Variants in LRRC37A3 observed in about 807,000 individuals in gnomAD.
LRRC37A3 encodes the protein leucine rich repeat containing 37 member A3.
A neutral mutation model predicts 106.2 loss-of-function variants in LRRC37A3; 25 were observed. That is an observed-to-expected ratio of 0.24 (90% CI 0.17 to 0.33). The LOEUF (loss-of-function observed/expected upper bound fraction) is 0.33. Ranked by LOEUF, LRRC37A3 falls within the 10% of genes least tolerant of loss-of-function variation. The pLI, the probability that LRRC37A3 is intolerant of heterozygous loss-of-function variation, is 1.00. For missense variants in LRRC37A3, 712 were observed against 1,644.9 expected (o/e 0.43, Z 9.81); for synonymous variants, 305 against 635.8 (o/e 0.48, Z 7.83).
chr17:64,867,525 T>C (rs538543962), intron 10 of LRRC37A3, among the ~76,000 whole-genome samples: 3 of 152,150 alleles, frequency 2.0e-5, no homozygotes, highest in Non-Finnish European at 4.4e-5. Flanking sequence ...TTTTATGAAA[T>C]GACATAATGT....
At chr17:64,856,352 G>T (rs943193731) in intron 13 of LRRC37A3, among the ~76,000 whole-genome samples, 4 of 151,138 alleles carry the variant, frequency 2.6e-5, no homozygotes, top group Non-Finnish European at 5.9e-5. Context: ...GAGTAGCTGA[G>T]ACTACAGGTG....
At position 64,859,722 on chromosome 17, in the gene LRRC37A3, A is replaced by G. The variant is rs1300766424; in HGVS notation, c.4424T>C (p.Ile1475Thr). ...LLSSPGDQFE[I>T]QLTQQLQSVI... Reference sequence around the variant, plus strand: ...GGACTGCAGCTGCTGGGTTAGCTGAATTTCAAACTGATCACCTGGGGACGA... The same window carrying G: ...GGACTGCAGCTGCTGGGTTAGCTGAGTTTCAAACTGATCACCTGGGGACGA... Residue 1475 changes from isoleucine to threonine, a missense_variant, in exon 12 of 15, where the codon ATT becomes ACT. Transcript: ENST00000584306. 6.2e-7 allele frequency: 1 copy of G among 1,613,422 alleles called. No homozygotes were observed. The highest frequency in any genetic ancestry group is 1.3e-5 in the African/African-American group (1 of 74,768).
rs1198226731 is a variant in LRRC37A3 at position 64,860,478 on chromosome 17, G to C, written c.3668C>G (p.Pro1223Arg). 1.9e-6 allele frequency: 3 copies of C among 1,613,358 alleles called. No individual in the cohort carries two copies. Among genetic ancestry groups the C allele is most frequent in the Admixed American group, 3.3e-5 (2 of 60,012 alleles). ...GACGGCGTTTCCCGCTAACTTCTCA[G>C]GCCCCTGCTGTGTGTGAGGCTGTTT... is the stretch of plus-strand genomic sequence containing the variant. ...ELKQPHTQQGPEKLAGNAVYT... is the reference protein window; with the variant it reads ...ELKQPHTQQGREKLAGNAVYT... The change falls in exon 12 of 15, where the codon CCT becomes CGT. Residue 1223 changes from proline (P) to arginine (R), a missense_variant. By Grantham distance (103) the Pro-to-Arg change is moderately radical (BLOSUM62 -2). Transcript: ENST00000584306.
intron 8 of LRRC37A3, among the ~76,000 whole-genome samples, chr17:64,872,109 G>A (rs1973338547): frequency 7.7e-6 from 1 of 130,558 alleles, no homozygotes; most frequent in African/African-American, 2.9e-5. Flanking sequence ...TCCAGCCTGG[G>A]CAACAGAGTG....
intron 8 of LRRC37A3, among the ~76,000 whole-genome samples, chr17:64,873,838 A>G (rs1433320736): frequency 2.6e-5 from 4 of 152,228 alleles, no homozygotes; most frequent in African/African-American, 4.8e-5. Context: ...CATAATGAGC[A>G]TCCCAGGAGA....
At chr17:64,854,728 A>G in intron 14 of LRRC37A3, 84 bp from the exon 15 acceptor site, 1 of 1,612,036 alleles carries the variant, frequency 6.2e-7, no homozygotes, top group South Asian at 1.1e-5. Context: ...TTAGATGGGA[A>G]CTGTGAGGGC....
rs1184046092 is a variant in LRRC37A3 at position 64,890,618 on chromosome 17, G to A, written c.2682-866C>T. Among the ~76,000 whole-genome samples, 23 of 121,046 alleles carry A rather than the reference G, an allele frequency of 1.9e-4. 1 individual carries two copies. Among genetic ancestry groups the A allele is most frequent in the Admixed American group, 7.2e-4 (9 of 12,554 alleles). The allele number at this position is 121,046 out of a possible 152,430, so 79.4% of individuals were successfully genotyped here. On this transcript the variant is annotated intron_variant, in intron 5 of 14. Transcript: ENST00000584306. ...AAGCCAAGGTGGGTGAATCACCCAC[G>A]GTCATGAGTTTGAGACCAGCCTGGC...
intron 1 of LRRC37A3, among the ~76,000 whole-genome samples, 173 bp from the exon 2 acceptor site, chr17:64,919,043 G>A (rs1053423891): frequency 1.3e-5 from 2 of 151,856 alleles, no homozygotes; most frequent in African/African-American, 4.8e-5. Flanking sequence ...GGCTTTCTCC[G>A]GCTACTGCTG....
chr17:64,916,761 G>A (rs1214968734), intron 2 of LRRC37A3, among the ~76,000 whole-genome samples: 19 of 150,728 alleles, frequency 1.3e-4, no homozygotes, highest in Admixed American at 1.3e-4. Context: ...TCTCCAGCCT[G>A]GGCAACAGAG....
chr17:64,881,812 A>G (rs1973709422), intron 8 of LRRC37A3, among the ~76,000 whole-genome samples: 1 of 150,696 alleles, frequency 6.6e-6, no homozygotes, highest in South Asian at 2.1e-4. Context: ...CTCAGCCATC[A>G]TGTCACACCA....
At position 64,860,737 on chromosome 17, in the gene LRRC37A3, G is replaced by T. The variant is rs1416575331; in HGVS notation, c.3409C>A (p.Leu1137Met). The T allele has an allele frequency of 6.2e-7, 1 of 1,614,058 alleles. No homozygotes were observed. The stretch of plus-strand genomic sequence containing the variant: ...GGCAGTTTAATGAACGGTAGTAACA[G>T]TGATTTCACATCTAGGTTAACGGCT... ...FSAVNLDVKS[L>M]LLPFIKLPTT... is the part of the protein sequence containing the mutation. The change falls in exon 12 of 15, where the codon CTG becomes ATG. Residue 1137 changes from leucine to methionine, a missense_variant. Coordinates refer to ENST00000584306, the MANE Select transcript of LRRC37A3 (RefSeq NM_199340.5).
intron 11 of LRRC37A3, among the ~76,000 whole-genome samples, chr17:64,861,270 G>A (rs1972859539): frequency 4.6e-5 from 7 of 152,178 alleles, no homozygotes; most frequent in Admixed American, 4.6e-4. Context: ...CTCAGTCAAA[G>A]CCCAAGGTGG....
At chr17:64,919,039 C>T (rs1974769140) in intron 1 of LRRC37A3, among the ~76,000 whole-genome samples, 169 bp from the exon 2 acceptor site, 1 of 151,750 alleles carries the variant, frequency 6.6e-6, no homozygotes, top group Admixed American at 6.6e-5. Flanking sequence ...CGGCGGCTTT[C>T]TCCGGCTACT....
At chr17:64,871,322 C>T (rs1297219505) in intron 8 of LRRC37A3, among the ~76,000 whole-genome samples, 4 of 151,950 alleles carry the variant, frequency 2.6e-5, no homozygotes, top group African/African-American at 4.8e-5. Flanking sequence ...TGCTTGAACC[C>T]GGGAGGCGGA....
intron 2 of LRRC37A3, chr17:64,900,238 AT>A (rs1218712009): frequency 1.4e-5 from 2 of 141,210 alleles, no homozygotes; most frequent in Non-Finnish European, 3.0e-5. Context: ...GTTTCACCAT[AT>A]TGGCCAGGCT....
chr17:64,859,005 G>T, intron 12 of LRRC37A3, 122 bp from the exon 13 acceptor site: 1 of 724,362 alleles, frequency 1.4e-6, no homozygotes, highest in Middle Eastern at 3.9e-4. Flanking sequence ...CCAGGCTGGG[G>T]TACAGTGGTG....
At chr17:64,899,272 T>TAGCTGAGTGTGG (rs2143580875) in intron 2 of LRRC37A3, among the ~76,000 whole-genome samples, 1 of 136,836 alleles carries the variant, frequency 7.3e-6, no homozygotes, top group Admixed American at 7.1e-5. Flanking sequence ...ATACAAAAAT[T>TAGCTGAGTGTGG]AGCTGAGTGT....
chr17:64,912,656 C>T (rs1974616403), intron 2 of LRRC37A3, among the ~76,000 whole-genome samples: 1 of 151,264 alleles, frequency 6.6e-6, no homozygotes, highest in South Asian at 2.1e-4. Context: ...CAATCATCAT[C>T]AATCATATTA....
chr17:64,868,391 CTT>C (rs1973190765), intron 10 of LRRC37A3, 69 bp downstream of exon 10: 6 of 1,543,960 alleles, frequency 3.9e-6, no homozygotes. Context: ...ATGAACCTGA[CTT>C]AAGAAAATAA....
Sources: allele counts gnomAD v4.1 joint callset (sites outside exome capture counted in the v4.1 genomes callset), GRCh38; gene constraint gnomAD v4.1.1; transcripts MANE v1.5; gene names NCBI Gene and HGNC (gene_info 2026-07-23, HGNC 2026-07-21).